Variants in ZNF407 observed in about 807,000 individuals in gnomAD.
ZNF407 encodes the protein zinc finger protein 407.
ZNF407 carries 17 observed loss-of-function variants against 131.2 expected under a neutral mutation model. The observed-to-expected ratio is 0.13, with a 90% CI of 0.09 to 0.19. The LOEUF (loss-of-function observed/expected upper bound fraction) is 0.19. Ranked by LOEUF, ZNF407 falls within the 10% of genes least tolerant of loss-of-function variation. The probability of loss-of-function intolerance (pLI) is 1.00; values close to 1 mark genes in which losing one functional copy is unlikely to be tolerated. For missense variants in ZNF407, 2,681 were observed against 2,830.6 expected, an observed-to-expected ratio of 0.95 and a Z score of 1.20; for synonymous variants, 1,156 against 1,062.0, an observed-to-expected ratio of 1.09 and a Z score of -1.72.
chr18:75,006,535 C>T (rs13381156), intron 8 of ZNF407, among the ~76,000 whole-genome samples: 32,253 of 151,978 alleles, frequency 0.21, 3,791 homozygotes, highest in Middle Eastern at 0.33. Flanking sequence ...TAATTGTCCT[C>T]GTACCTCCTG....
intron 3 of ZNF407, among the ~76,000 whole-genome samples, chr18:74,712,498 G>A (rs1436761725): frequency 6.6e-6 from 1 of 152,220 alleles, no homozygotes; most frequent in East Asian, 1.9e-4. Context: ...TAGTCATGGC[G>A]AAGCCATCCA....
At position 74,632,737 on chromosome 18, in the gene ZNF407, A is replaced by G. The variant is rs1178621255; in HGVS notation, c.1718A>G (p.Asp573Gly). 6.2e-7 allele frequency: 1 copy of G among 1,614,060 alleles called. No individual in the cohort carries two copies. The highest frequency in any genetic ancestry group is 1.1e-5 in the South Asian group (1 of 91,088). Residue 573 changes from aspartate to glycine, a missense_variant, in exon 2 of 9, where the codon GAT becomes GGT. This residue lies in a region of ZNF407 where 1,789 missense variants were observed against 1,748.7 expected (regional missense o/e 1.02). Transcript: ENST00000299687. ...TCTAGTATGTCAAGAAGGGACTTAG[A>G]TGAACATTTGCACAGTAACCAGCAT... Reference protein sequence around the residue: ...DFSSMSRRDLDEHLHSNQHQQ... With the variant: ...DFSSMSRRDLGEHLHSNQHQQ...
intron 8 of ZNF407, among the ~76,000 whole-genome samples, chr18:74,951,218 C>T (rs570027545): frequency 6.6e-5 from 10 of 152,208 alleles, no homozygotes; most frequent in African/African-American, 1.9e-4. Flanking sequence ...TTTAAATAGA[C>T]GTAAGCAGAA....
chr18:74,813,408 C>T (rs557907897), intron 4 of ZNF407, among the ~76,000 whole-genome samples: 12 of 152,198 alleles, frequency 7.9e-5, no homozygotes, highest in Admixed American at 2.0e-4. Context: ...TTCGCTCAAA[C>T]GGGAATTTGT....
intron 6 of ZNF407, among the ~76,000 whole-genome samples, chr18:74,883,015 G>C (rs1971258913): frequency 6.6e-6 from 1 of 152,226 alleles, no homozygotes; most frequent in Non-Finnish European, 1.5e-5. Flanking sequence ...TCGAAGTGGA[G>C]ACAGGAATGC....
chr18:74,961,075 G>A (rs1315044951), intron 8 of ZNF407, among the ~76,000 whole-genome samples: 1 of 149,986 alleles, frequency 6.7e-6, no homozygotes, highest in South Asian at 2.1e-4. Flanking sequence ...GATAGGAGAA[G>A]GTCCTGAGCG....
intron 3 of ZNF407, among the ~76,000 whole-genome samples, chr18:74,748,385 T>C (rs1312862323): frequency 6.6e-6 from 1 of 152,008 alleles, no homozygotes; most frequent in Non-Finnish European, 1.5e-5. Context: ...GTTTTACTAT[T>C]GAGAACATGA....
intron 7 of ZNF407, among the ~76,000 whole-genome samples, chr18:74,900,077 A>G (rs1239615153): frequency 6.6e-6 from 1 of 152,238 alleles, no homozygotes; most frequent in African/African-American, 2.4e-5. Flanking sequence ...TTATGTGCCA[A>G]ATGTTTAAAT....
chr18:74,928,045 G>A (rs1050303531), intron 8 of ZNF407, among the ~76,000 whole-genome samples: 3 of 152,152 alleles, frequency 2.0e-5, no homozygotes, highest in African/African-American at 7.2e-5. Context: ...TGCCAAATAT[G>A]AGTGACCATG....
intron 3 of ZNF407, among the ~76,000 whole-genome samples, chr18:74,682,752 T>C (rs1424640975): frequency 6.6e-6 from 1 of 152,238 alleles, no homozygotes; most frequent in Non-Finnish European, 1.5e-5. Flanking sequence ...TGGTTTACAG[T>C]TTAAAAAAGA....
intron 4 of ZNF407, among the ~76,000 whole-genome samples, chr18:74,812,565 A>G (rs866947358): frequency 2.6e-5 from 4 of 152,068 alleles, no homozygotes; most frequent in Non-Finnish European, 4.4e-5. Context: ...AGAGTGAGAG[A>G]GAGAAAGTTG....
At chr18:74,967,700 A>G (rs1035760505) in intron 8 of ZNF407, among the ~76,000 whole-genome samples, 1 of 152,240 alleles carries the variant, frequency 6.6e-6, no homozygotes, top group African/African-American at 2.4e-5. Context: ...GGAACATAGA[A>G]ACTGAACTGT....
At chr18:74,723,697 G>C (rs80211316) in intron 3 of ZNF407, among the ~76,000 whole-genome samples, 1,704 of 152,212 alleles carry the variant, frequency 0.011, 22 homozygotes, top group Admixed American at 0.039. Context: ...CAGGAGTGCA[G>C]CTGGTTTTTC....
In ZNF407 at chr18:74,634,366, C is replaced by G. The variant is rs933633970; in HGVS notation, c.3347C>G (p.Ser1116Cys). 1 of 1,613,868 alleles carries G rather than the reference C, an allele frequency of 6.2e-7. No homozygotes were observed. The change falls in exon 2 of 9, where the codon TCT becomes TGT. Residue 1116 changes from serine to cysteine, a missense_variant. Physicochemically the swap from Ser to Cys is moderately radical, Grantham distance 112. This residue lies in a region of ZNF407 where 1,789 missense variants were observed against 1,748.7 expected (regional missense o/e 1.02). Coordinates refer to ENST00000299687, the MANE Select transcript of ZNF407 (RefSeq NM_017757.3). ...TTTCAAATAATTTCAGGTCAACCAT[C>G]TGATACTCTTAAATCTAGAAATGCT... ...EEFQIISGQPSDTLKSRNAAD... is the reference protein window; with the variant it reads ...EEFQIISGQPCDTLKSRNAAD...
intron 3 of ZNF407, among the ~76,000 whole-genome samples, chr18:74,695,947 A>G (rs1036872757): frequency 6.6e-6 from 1 of 152,224 alleles, no homozygotes; most frequent in Admixed American, 6.6e-5. Flanking sequence ...ATGGTCTTCC[A>G]GTCAGGATTT....
intron 7 of ZNF407, among the ~76,000 whole-genome samples, chr18:74,916,759 T>G (rs899817581): frequency 1.3e-4 from 19 of 141,750 alleles, no homozygotes; most frequent in Admixed American, 2.1e-4. Context: ...TGAGATTGTA[T>G]GCAGCATTGG....
chr18:74,978,664 G>A (rs1048959697), intron 8 of ZNF407, among the ~76,000 whole-genome samples: 12 of 151,552 alleles, frequency 7.9e-5, no homozygotes, highest in Admixed American at 3.3e-4. Flanking sequence ...GAGGGGTAGA[G>A]TACAGTTTTG....
rs754841482 is a variant in ZNF407 at position 74,631,824 on chromosome 18, C to T, written c.805C>T (p.Leu269Phe). 25 of 1,613,916 alleles carry T rather than the reference C, an allele frequency of 1.5e-5. No homozygotes were observed. The highest frequency in any genetic ancestry group is 1.8e-5 in the Non-Finnish European group (21 of 1,179,904). ...LNAHYLGKTH[L>F]RRQNLAARGG... is the part of the protein sequence containing the mutation. ...TGCACATTATCTTGGCAAAACACAT[C>T]TCCGTCGTCAGAATCTGGCTGCTCG... is the stretch of plus-strand genomic sequence containing the variant. Residue 269 changes from leucine to phenylalanine, a missense_variant, in exon 2 of 9, where the codon CTC becomes TTC. By Grantham distance (22) the Leu-to-Phe change is conservative. Transcript: ENST00000299687.
At chr18:74,898,887 A>G (rs1419141462) in intron 7 of ZNF407, among the ~76,000 whole-genome samples, 1 of 152,224 alleles carries the variant, frequency 6.6e-6, no homozygotes, top group Non-Finnish European at 1.5e-5. Flanking sequence ...CTGGGGGGAA[A>G]AGTGGTTGAC....
Sources: allele counts gnomAD v4.1 joint callset (sites outside exome capture counted in the v4.1 genomes callset), GRCh38; gene constraint gnomAD v4.1.1; regional missense constraint gnomAD v4.1.1; transcripts MANE v1.5; gene names NCBI Gene and HGNC (gene_info 2026-07-23, HGNC 2026-07-21).